The following SPIRE1 variants were observed in gnomAD, a reference collection of about 807,000 sequenced individuals.
SPIRE1 encodes the protein spire type actin nucleation factor 1.
In SPIRE1, 40 loss-of-function variants were observed where a neutral mutation model predicts 94.1. That is an observed-to-expected ratio of 0.43 (90% confidence interval 0.33 to 0.55). The LOEUF (loss-of-function observed/expected upper bound fraction) is 0.55. Ranked by LOEUF, SPIRE1 falls within the 20% of genes least tolerant of loss-of-function variation. SPIRE1 has a pLI of 0.06. For synonymous variants in SPIRE1, 376 were observed against 371.7 expected, an observed-to-expected ratio of 1.01 and a Z score of -0.13; for missense variants, 838 against 975.2, an observed-to-expected ratio of 0.86 and a Z score of 1.87.
intron 16 of SPIRE1, chr18:12,450,617 T>C (rs999527219): frequency 1.0e-5 from 6 of 573,972 alleles, no homozygotes; most frequent in African/African-American, 9.6e-5. Context: ...GAAAGAGAAG[T>C]CTAAATTTGA....
intron 5 of SPIRE1, among the ~76,000 whole-genome samples, chr18:12,509,982 G>T (rs529307485): frequency 2.4e-4 from 37 of 152,014 alleles, no homozygotes; most frequent in African/African-American, 8.7e-4. Context: ...CTACTCAGGA[G>T]GCTGAGGCAG....
chr18:12,469,010 G>A (rs750066557), intron 10 of SPIRE1, among the ~76,000 whole-genome samples: 8 of 152,120 alleles, frequency 5.3e-5, no homozygotes, highest in Non-Finnish European at 1.0e-4. Context: ...GCTGCAATGA[G>A]CTGTGTTCAC....
chr18:12,489,038 A>G (rs1452031204), intron 8 of SPIRE1, among the ~76,000 whole-genome samples: 2 of 152,120 alleles, frequency 1.3e-5, no homozygotes, highest in Non-Finnish European at 2.9e-5. Flanking sequence ...AATACAAAAA[A>G]TTAGCCGGGC....
chr18:12,628,148 T>C (rs1037323916), intron 2 of SPIRE1, among the ~76,000 whole-genome samples: 3 of 152,194 alleles, frequency 2.0e-5, no homozygotes, highest in Middle Eastern at 3.2e-3. Flanking sequence ...TCCTGAATAG[T>C]ATTGCCTAGA....
chr18:12,585,394 A>G (rs978387103), intron 2 of SPIRE1, among the ~76,000 whole-genome samples: 2 of 152,224 alleles, frequency 1.3e-5, no homozygotes, highest in African/African-American at 4.8e-5. Flanking sequence ...GGCTTTCAAC[A>G]GTGGCAATAA....
intron 2 of SPIRE1, among the ~76,000 whole-genome samples, chr18:12,599,719 C>A (rs1461495470): frequency 6.6e-6 from 1 of 152,192 alleles, no homozygotes; most frequent in African/African-American, 2.4e-5. Flanking sequence ...GGCAGAGATA[C>A]ATGACCCTTT....
chr18:12,535,682 T>C (rs2034819615), intron 3 of SPIRE1, 81 bp from the exon 4 acceptor site: 1 of 1,359,374 alleles, frequency 7.4e-7, no homozygotes, highest in African/African-American at 1.4e-5. Flanking sequence ...ACGAGCAGAG[T>C]GCAGTGGTTC....
chr18:12,656,781 C>T, intron 1 of SPIRE1: 1 of 646,116 alleles, frequency 1.5e-6, no homozygotes, highest in Non-Finnish European at 1.9e-6. Flanking sequence ...GAAAATTTTA[C>T]ATTAGACAAT....
upstream of SPIRE1, chr18:12,661,327 T>A: frequency 1.0e-6 from 1 of 979,664 alleles, no homozygotes; most frequent in Non-Finnish European, 1.2e-6. Flanking sequence ...AGAAAAAAAA[T>A]TGATAAGCCT....
chr18:12,456,188 TCA>T (rs986759058), intron 12 of SPIRE1, among the ~76,000 whole-genome samples: 2 of 152,302 alleles, frequency 1.3e-5, no homozygotes, highest in South Asian at 2.1e-4. Flanking sequence ...AAATTAACGA[TCA>T]CAGTTTTCTC....
intron 12 of SPIRE1, among the ~76,000 whole-genome samples, chr18:12,461,206 C>T (rs186199826): frequency 6.6e-6 from 1 of 152,292 alleles, no homozygotes; most frequent in East Asian, 1.9e-4. Flanking sequence ...TAAGCTGAAA[C>T]TACCTTGTAG....
intron 4 of SPIRE1, among the ~76,000 whole-genome samples, chr18:12,525,290 AAAAAAAAAT>A (rs1567909255): frequency 2.0e-5 from 3 of 146,446 alleles, no homozygotes; most frequent in East Asian, 2.0e-4. Flanking sequence ...AAAAAAAAAA[AAAAAAAAAT>A]AATAATAATA....
chr18:12,480,594 A>G (rs1268522651), intron 9 of SPIRE1, among the ~76,000 whole-genome samples: 2 of 152,222 alleles, frequency 1.3e-5, no homozygotes, highest in Non-Finnish European at 1.5e-5. Flanking sequence ...GGCAGTGAAC[A>G]ATAAATGTTA....
intron 2 of SPIRE1, among the ~76,000 whole-genome samples, chr18:12,597,937 C>T (rs1369639005): frequency 1.3e-5 from 2 of 152,120 alleles, no homozygotes; most frequent in African/African-American, 2.4e-5. Context: ...AAAACTGCAG[C>T]GAAGGTGTGG....
chr18:12,505,552 C>CAAAAAAAAA (rs57390189), intron 6 of SPIRE1, among the ~76,000 whole-genome samples: 1 of 112,806 alleles, frequency 8.9e-6, no homozygotes, highest in Non-Finnish European at 1.8e-5. Flanking sequence ...GACCCTGTCT[C>CAAAAAAAAA]AAAAAAAAAA....
intron 2 of SPIRE1, among the ~76,000 whole-genome samples, chr18:12,569,204 A>G (rs539474069): frequency 4.6e-5 from 7 of 152,166 alleles, no homozygotes; most frequent in East Asian, 3.9e-4. Flanking sequence ...TTAGCCAGGC[A>G]TGGTGGCAGG....
chr18:12,524,164 T>C (rs754416702), intron 4 of SPIRE1, among the ~76,000 whole-genome samples: 2 of 152,256 alleles, frequency 1.3e-5, no homozygotes, highest in Non-Finnish European at 2.9e-5. Context: ...GATTATATTG[T>C]GTAAAATATA....
rs1278061688 is a variant in SPIRE1, at chr18:12,452,960, C to T, written c.1847+108G>A. ...CACAAGGTAACGTAACAGAGTGAGT[C>T]ATTTCTAATTTTATTCCTGTTTAGA... On this transcript the variant is annotated intron_variant, in intron 14 of 16. Coordinates refer to ENST00000409402, the MANE Select transcript of SPIRE1 (RefSeq NM_001128626.2). 1.1e-5 allele frequency: 8 copies of T among 713,040 alleles called. 1 individual carries two copies. Among genetic ancestry groups the T allele is most frequent in the Non-Finnish European group, 1.8e-5 (8 of 436,874 alleles). The allele number at this position is 713,040 out of a possible 1,614,324, so 44.2% of individuals were successfully genotyped here. A position where few individuals can be genotyped will look rare whatever the true frequency, so the allele number is the denominator to read the frequency against.
intron 12 of SPIRE1, among the ~76,000 whole-genome samples, chr18:12,455,563 A>G (rs1013519839): frequency 1.3e-5 from 2 of 152,184 alleles, no homozygotes. Context: ...GTTTCCCTAC[A>G]AGCAGCTGCG....
Sources: gnomAD v4.1 joint callset for allele counts (sites outside exome capture counted in the v4.1 genomes callset) on GRCh38, gnomAD v4.1.1 for gene constraint, MANE v1.5 for transcripts, NCBI Gene and HGNC (gene_info 2026-07-23, HGNC 2026-07-21) for gene names.